LINGO2: variants seen among roughly 807,000 people sequenced by gnomAD.
The protein encoded by LINGO2 is leucine rich repeat and Ig domain containing 2.
Under a neutral mutation model 30.6 loss-of-function variants are expected in LINGO2, and 14 were observed. The ratio of observed to expected loss-of-function variants is 0.46; its 90% confidence interval spans 0.30 to 0.72. The LOEUF (loss-of-function observed/expected upper bound fraction) is 0.72, where lower values mean the gene tolerates loss of function less well. Ranked by LOEUF, LINGO2 falls within the 30% of genes least tolerant of loss-of-function variation. The probability of loss-of-function intolerance (pLI) is 0.07; values close to 1 mark genes in which losing one functional copy is unlikely to be tolerated. For missense variants in LINGO2, 729 were observed against 751.7 expected, an observed-to-expected ratio of 0.97 and a Z score of 0.35; for synonymous variants, 317 against 288.5, an observed-to-expected ratio of 1.10 and a Z score of -1.00.
At chr9:28,423,300 C>A (rs1823279894) in intron 2 of LINGO2, among the ~76,000 whole-genome samples, 1 of 151,846 alleles carries the variant, frequency 6.6e-6, no homozygotes, top group South Asian at 2.1e-4. Flanking sequence ...AGAACAGATC[C>A]CATCTTTGCC....
At chr9:28,797,369 G>T in the LINGO2 span, among the ~76,000 whole-genome samples, 43 of 132,490 alleles carry the variant, frequency 3.2e-4, no homozygotes, top group East Asian at 6.8e-4. Flanking sequence ...TAGAGAGAGA[G>T]AGAGAGAGAG....
chr9:27,993,370 C>T (rs569689504), intron 5 of LINGO2, among the ~76,000 whole-genome samples: 1 of 152,094 alleles, frequency 6.6e-6, no homozygotes, highest in South Asian at 2.1e-4. Flanking sequence ...TGTTGAAATC[C>T]TATCTATCAA....
At chr9:28,278,210 T>G (rs894166761) in intron 4 of LINGO2, among the ~76,000 whole-genome samples, 17 of 152,208 alleles carry the variant, frequency 1.1e-4, no homozygotes, top group Non-Finnish European at 1.0e-4. Context: ...CTCATGAAGC[T>G]TAACAAAAGC....
intron 4 of LINGO2, among the ~76,000 whole-genome samples, chr9:28,256,803 C>A (rs1041322060): frequency 6.6e-6 from 1 of 151,742 alleles, no homozygotes; most frequent in African/African-American, 2.4e-5. Flanking sequence ...AAATGTGAAA[C>A]ATACAAAGAA....
the LINGO2 span, among the ~76,000 whole-genome samples, chr9:28,731,676 A>G: frequency 2.2e-4 from 34 of 152,168 alleles, no homozygotes; most frequent in Admixed American, 5.9e-4. Context: ...GATGGCAGAT[A>G]TAGAAACCTG....
rs1257188605 is a variant in LINGO2 at position 28,663,412 on chromosome 9, C to T, written c.-365+6788G>A. On this transcript the variant is annotated intron_variant, in intron 1 of 5. Transcript: ENST00000379992. ...GCTTGAACTCCTGACCTCAGATGAT[C>T]CACCTGCCTTGGTCTCCAAAAGTGC... Among the ~76,000 whole-genome samples the T allele has an allele frequency of 2.0e-5, 3 of 152,248 alleles. No individual in the cohort carries two copies. The East Asian group carries it at 5.8e-4, about 29-fold the overall frequency.
intron 2 of LINGO2, among the ~76,000 whole-genome samples, chr9:28,461,921 C>T (rs1343313049): frequency 1.3e-5 from 2 of 152,038 alleles, no homozygotes; most frequent in Non-Finnish European, 1.5e-5. Context: ...TGTCAGCAGT[C>T]CATTTTACAG....
chr9:29,161,362 G>A, the LINGO2 span, among the ~76,000 whole-genome samples: 1 of 152,180 alleles, frequency 6.6e-6, no homozygotes, highest in Non-Finnish European at 1.5e-5. Flanking sequence ...TTGGACCTCA[G>A]CTGAGGCTGG....
At chr9:29,086,137 A>C in the LINGO2 span, among the ~76,000 whole-genome samples, 1 of 152,190 alleles carries the variant, frequency 6.6e-6, no homozygotes. Flanking sequence ...TAAAGTAGAC[A>C]AAAAGCAGAT....
intron 4 of LINGO2, among the ~76,000 whole-genome samples, chr9:28,096,737 G>T (rs1455818380): frequency 6.6e-6 from 1 of 151,792 alleles, no homozygotes; most frequent in Non-Finnish European, 1.5e-5. Flanking sequence ...TGTACTTGTT[G>T]ACCATTCCAA....
the LINGO2 span, among the ~76,000 whole-genome samples, chr9:29,135,882 T>G: frequency 2.6e-5 from 4 of 152,292 alleles, no homozygotes; most frequent in South Asian, 6.2e-4. Context: ...GTGTTTGTCT[T>G]TTTGTGACTG....
At chr9:29,124,639 G>T in the LINGO2 span, among the ~76,000 whole-genome samples, 1 of 152,156 alleles carries the variant, frequency 6.6e-6, no homozygotes, top group East Asian at 1.9e-4. Context: ...AGACATTTAT[G>T]TGGCCATCAA....
At position 28,329,561 on chromosome 9, in the gene LINGO2, C is replaced by T. The variant is rs1347182082; in HGVS notation, c.-245-34195G>A. Reference sequence around the variant, plus strand: ...ATGTTCAGACTTGTTTGAGCCAGGGCTTCGGTTCAAGCCAGGATATCCAAG... The same window carrying T: ...ATGTTCAGACTTGTTTGAGCCAGGGTTTCGGTTCAAGCCAGGATATCCAAG... On this transcript the variant is annotated intron_variant, in intron 3 of 5. Coordinates refer to ENST00000379992, the Ensembl canonical transcript of LINGO2. The surrounding 1 kb of genome is among the most constrained non-coding windows in gnomAD (Gnocchi z 4.5). Among the ~76,000 whole-genome samples the T allele has an allele frequency of 6.6e-6, 1 of 152,096 alleles. No homozygotes were observed. The highest frequency in any genetic ancestry group is 1.5e-5 in the Non-Finnish European group (1 of 68,022).
intron 4 of LINGO2, among the ~76,000 whole-genome samples, chr9:28,237,870 A>G (rs956295218): frequency 1.3e-5 from 2 of 152,054 alleles, no homozygotes; most frequent in Non-Finnish European, 2.9e-5. Flanking sequence ...ACACACAAAA[A>G]CAAACAAACA....
intron 4 of LINGO2, among the ~76,000 whole-genome samples, chr9:28,037,938 C>T (rs983056681): frequency 6.6e-6 from 1 of 152,126 alleles, no homozygotes; most frequent in African/African-American, 2.4e-5. Context: ...GGATGTTCTC[C>T]CTTTAGATAA....
At chr9:28,982,367 T>A in the LINGO2 span, among the ~76,000 whole-genome samples, 36 of 152,012 alleles carry the variant, frequency 2.4e-4, no homozygotes, top group Non-Finnish European at 4.9e-4. Context: ...AGGGTGAGAA[T>A]ACCCACATTC....
intron 4 of LINGO2, among the ~76,000 whole-genome samples, chr9:28,222,478 T>C (rs1452442764): frequency 6.6e-6 from 1 of 151,926 alleles, no homozygotes; most frequent in Non-Finnish European, 1.5e-5. Flanking sequence ...TAATCAGAGG[T>C]TCCCAGCTGC....
At chr9:28,465,989 G>A (rs1369751879) in intron 2 of LINGO2, among the ~76,000 whole-genome samples, 1 of 152,026 alleles carries the variant, frequency 6.6e-6, no homozygotes, top group Admixed American at 6.5e-5. Flanking sequence ...TGCAGAAAAG[G>A]GAACCACTGT....
At chr9:28,842,472 T>G in the LINGO2 span, among the ~76,000 whole-genome samples, 1 of 151,952 alleles carries the variant, frequency 6.6e-6, no homozygotes, top group East Asian at 1.9e-4. Context: ...TGGAAATGAA[T>G]GGAGATTGTC....
Sources: gnomAD v4.1 joint callset for allele counts (sites outside exome capture counted in the v4.1 genomes callset) on GRCh38, gnomAD v4.1.1 for gene constraint, Gnocchi (gnomAD v3.1) non-coding constraint, MANE v1.5 for transcripts, NCBI Gene and HGNC (gene_info 2026-07-23, HGNC 2026-07-21) for gene names.